The following ETNK1 variants were observed in gnomAD, a reference collection of about 807,000 sequenced individuals.
ETNK1 encodes putative protein product of Nbla10396.
In ETNK1, 8 loss-of-function variants were observed where a neutral mutation model predicts 45.1. The ratio of observed to expected loss-of-function variants is 0.18; its 90% confidence interval spans 0.10 to 0.32. The LOEUF (loss-of-function observed/expected upper bound fraction) is 0.32. Ranked by LOEUF, ETNK1 falls within the 10% of genes least tolerant of loss-of-function variation. ETNK1 has a pLI of 1.00. For missense variants in ETNK1, 302 were observed against 430.6 expected (o/e 0.70, Z 2.64); for synonymous variants, 152 against 151.9 (o/e 1.00, Z -0.01).
chr12:22,633,815 A>G (rs930549917), intron 1 of ETNK1, among the ~76,000 whole-genome samples: 1 of 152,104 alleles, frequency 6.6e-6, no homozygotes, highest in African/African-American at 2.4e-5. Flanking sequence ...TTGTTGGTAT[A>G]TAGGATTATA....
chr12:22,679,376 A>T (rs571842161), intron 6 of ETNK1, among the ~76,000 whole-genome samples: 3 of 152,182 alleles, frequency 2.0e-5, no homozygotes, highest in Non-Finnish European at 4.4e-5. Context: ...CCCAGCAAGC[A>T]AAGTTATCCT....
intron 2 of ETNK1, among the ~76,000 whole-genome samples, chr12:22,655,354 G>T (rs1278606766): frequency 1.0e-5 from 1 of 98,272 alleles, no homozygotes. Context: ...TTTTTTTTTC[G>T]AGACGGAGTC....
chr12:22,683,100 G>A (rs185300037), intron 6 of ETNK1, among the ~76,000 whole-genome samples: 18 of 152,240 alleles, frequency 1.2e-4, no homozygotes, highest in Admixed American at 9.8e-4. Flanking sequence ...TACAGATGAG[G>A]AAATAAACGC....
chr12:22,654,234 G>A (rs970130339), intron 2 of ETNK1, among the ~76,000 whole-genome samples: 1 of 152,130 alleles, frequency 6.6e-6, no homozygotes, highest in African/African-American at 2.4e-5. Context: ...TGGCATTTTT[G>A]TTAAAGCAGC....
At position 22,680,902 on chromosome 12, in the gene ETNK1, CCCT is replaced by C. The variant is rs199863564; in HGVS notation, c.946-3578_946-3576del. On this transcript the variant is annotated intron_variant, in intron 6 of 7. Transcript: ENST00000266517. ...GTGGAGCTTTTCTTCCCCCGCCCCC[CCCT>C]CCATTATATGCACACTGGGGATTTA... Among the ~76,000 whole-genome samples, 492 of 136,740 alleles carry C rather than the reference CCCT, an allele frequency of 3.6e-3. 20 individuals are homozygous for C. The highest frequency in any genetic ancestry group is 7.5e-3 in the African/African-American group (278 of 37,298). The allele number at this position is 136,740 out of a possible 152,430, so 89.7% of individuals were successfully genotyped here.
At chr12:22,629,343 T>C (rs1292920630) in intron 1 of ETNK1, among the ~76,000 whole-genome samples, 2 of 152,184 alleles carry the variant, frequency 1.3e-5, no homozygotes, top group Non-Finnish European at 2.9e-5. Context: ...TTTTGCCTGT[T>C]ATTGAATGCA....
chr12:22,625,687 A>G, intron 1 of ETNK1, 101 bp downstream of exon 1: 1 of 1,475,636 alleles, frequency 6.8e-7, no homozygotes, highest in Non-Finnish European at 9.1e-7. Flanking sequence ...AGGAGGACCT[A>G]GGGCAACATC....
chr12:22,658,844 A>C (rs889660795), intron 2 of ETNK1, among the ~76,000 whole-genome samples, 170 bp from the exon 3 acceptor site: 1 of 152,212 alleles, frequency 6.6e-6, no homozygotes, highest in African/African-American at 2.4e-5. Context: ...TACTCTTGCT[A>C]AACTGACTCA....
intron 4 of ETNK1, among the ~76,000 whole-genome samples, chr12:22,667,194 A>T (rs932475961): frequency 6.6e-6 from 1 of 152,154 alleles, no homozygotes; most frequent in African/African-American, 2.4e-5. Flanking sequence ...TTGTTTTTTC[A>T]TTCATTCATT....
At chr12:22,679,884 G>T (rs35623725) in intron 6 of ETNK1, among the ~76,000 whole-genome samples, 9,951 of 152,054 alleles carry the variant, frequency 0.065, 461 homozygotes, top group South Asian at 0.14. Context: ...TAAAGACGGG[G>T]TTTCACCATA....
chr12:22,646,227 CAG>C (rs993556431), intron 2 of ETNK1, among the ~76,000 whole-genome samples: 2 of 151,710 alleles, frequency 1.3e-5, no homozygotes, highest in East Asian at 1.9e-4. Context: ...CACTATAAAA[CAG>C]AAAATATGAA....
At position 22,673,660 on chromosome 12, in the gene ETNK1, G is replaced by T; in HGVS notation, c.945G>T (p.Leu315Phe). 1 of 1,610,792 alleles carries T rather than the reference G, an allele frequency of 6.2e-7. No homozygotes were observed. Residue 315 changes from leucine to phenylalanine, a missense_variant and splice_region_variant, in exon 6 of 8, where the codon TTG becomes TTT. Coordinates refer to ENST00000266517, the MANE Select transcript of ETNK1 (RefSeq NM_018638.5). ...ILFIQVNQFA[L>F]ASHFFWGLWA... is the part of the protein sequence containing the mutation. ...TCATTCAAGTCAATCAGTTTGCATTGGTAAGTTTAAATGTACACAATTAAT... is the reference window on the plus strand; with the variant it reads ...TCATTCAAGTCAATCAGTTTGCATTTGTAAGTTTAAATGTACACAATTAAT...
rs1225614070 is a variant in ETNK1 at position 22,689,929 on chromosome 12, G to A, written c.*4975G>A. On this transcript the variant is annotated 3_prime_UTR_variant, in exon 8 of 8. Coordinates refer to ENST00000266517, the MANE Select transcript of ETNK1 (RefSeq NM_018638.5). ...TACTGTATTTAGGAGCCTTTGTACA[G>A]CTTGGTCAAATTTCCATGATATGAA... 6.6e-6 allele frequency: 1 copy of A among 152,374 alleles called. No homozygotes were observed. Among genetic ancestry groups the A allele is most frequent in the African/African-American group, 2.4e-5 (1 of 41,416 alleles). The allele number at this position is 152,374 out of a possible 1,614,324, so 9.4% of individuals were successfully genotyped here.
rs1018402667 is a variant in ETNK1 at position 22,676,797 on chromosome 12, C to T, written c.945+3137C>T. ...AGCTTTTTTTCATATGTTTGTTGAC[C>T]GTATAAATGTCTTCTTTTGAGAAGT... On this transcript the variant is annotated intron_variant, in intron 6 of 7. Transcript: ENST00000266517. Among the ~76,000 whole-genome samples, 11 of 151,768 alleles carry T rather than the reference C, an allele frequency of 7.2e-5. No individual in the cohort carries two copies. The East Asian group carries it at 1.7e-3, about 24-fold the overall frequency.
intron 5 of ETNK1, 92 bp downstream of exon 5, chr12:22,671,447 G>C (rs1321084629): frequency 1.2e-6 from 1 of 865,962 alleles, no homozygotes; most frequent in Non-Finnish European, 1.9e-6. Context: ...TGAGCAGGGG[G>C]AACATTTTCC....
At chr12:22,666,963 AATTT>A (rs1954058962) in intron 4 of ETNK1, among the ~76,000 whole-genome samples, 2 of 152,268 alleles carry the variant, frequency 1.3e-5, no homozygotes, top group African/African-American at 4.8e-5. Flanking sequence ...ACTTTTAAAA[AATTT>A]AAATAAATAC....
chr12:22,684,769 C>T, intron 7 of ETNK1, 113 bp from the exon 8 acceptor site: 1 of 884,558 alleles, frequency 1.1e-6, no homozygotes, highest in Non-Finnish European at 1.7e-6. Flanking sequence ...AAAATATGTC[C>T]TTTGAAAATC....
chr12:22,664,604 T>A (rs11046524), intron 4 of ETNK1, among the ~76,000 whole-genome samples: 36,411 of 152,022 alleles, frequency 0.24, 5,092 homozygotes, highest in Non-Finnish European at 0.33. Context: ...TTAACACTTA[T>A]GGCAGCAATT....
chr12:22,629,454 C>T (rs951552630), intron 1 of ETNK1, among the ~76,000 whole-genome samples: 5 of 152,066 alleles, frequency 3.3e-5, no homozygotes, highest in African/African-American at 1.2e-4. Flanking sequence ...GTTTTCATAT[C>T]CTTCCTCTTT....
Sources: gnomAD v4.1 joint callset for allele counts (sites outside exome capture counted in the v4.1 genomes callset) on GRCh38, gnomAD v4.1.1 for gene constraint, MANE v1.5 for transcripts, NCBI Gene and HGNC (gene_info 2026-07-23, HGNC 2026-07-21) for gene names.